Variants in TAF4B observed in about 807,000 individuals in gnomAD.
TAF4B encodes the protein transcription initiation factor TFIID subunit 4B.
In TAF4B, 38 loss-of-function variants were observed where a neutral mutation model predicts 86.4. The ratio of observed to expected loss-of-function variants is 0.44; its 90% CI spans 0.34 to 0.58. TAF4B has a LOEUF of 0.58. Ranked by LOEUF, TAF4B falls within the 20% of genes least tolerant of loss-of-function variation. The probability of loss-of-function intolerance (pLI) is 0.02; values close to 1 mark genes in which losing one functional copy is unlikely to be tolerated. For synonymous variants in TAF4B, 388 were observed against 391.2 expected (o/e 0.99, Z 0.10); for missense variants, 988 against 1,027.6 (o/e 0.96, Z 0.53).
At chr18:26,376,549 G>T (rs2057444484) in intron 14 of TAF4B, among the ~76,000 whole-genome samples, 1 of 150,110 alleles carries the variant, frequency 6.7e-6, no homozygotes, top group Non-Finnish European at 1.5e-5. Flanking sequence ...CAGCCTTGCT[G>T]AACTTGTTTA....
chr18:26,345,264 G>A (rs987676490), intron 13 of TAF4B, among the ~76,000 whole-genome samples: 4 of 152,144 alleles, frequency 2.6e-5, no homozygotes, highest in African/African-American at 7.2e-5. Flanking sequence ...CCCACATCTC[G>A]GGCCTGAGAG....
intron 9 of TAF4B, among the ~76,000 whole-genome samples, chr18:26,301,954 T>C (rs1032307431): frequency 2.8e-4 from 42 of 152,184 alleles, no homozygotes; most frequent in Admixed American, 2.4e-3. Context: ...ATGGAGAAAT[T>C]TGGGGTTACT....
chr18:26,358,040 C>T (rs1331242431), intron 14 of TAF4B, among the ~76,000 whole-genome samples: 1 of 152,162 alleles, frequency 6.6e-6, no homozygotes, highest in East Asian at 1.9e-4. Context: ...CCCCCATCTC[C>T]AGTCATATTG....
At chr18:26,347,361 T>G (rs1455443289) in intron 13 of TAF4B, among the ~76,000 whole-genome samples, 1 of 151,818 alleles carries the variant, frequency 6.6e-6, no homozygotes, top group African/African-American at 2.4e-5. Flanking sequence ...CATTTGAAAG[T>G]GAAAAAATGA....
intron 9 of TAF4B, 68 bp from the exon 10 acceptor site, chr18:26,315,161 T>TCTCTCTCTCTCTCCCACCCACACACA (rs1282068871): frequency 4.7e-6 from 1 of 210,592 alleles, no homozygotes; most frequent in African/African-American, 3.8e-5. Flanking sequence ...TCTCTCTCTC[T>TCTCTCTCTCTCTCCCACCCACACACA]CACACACACA....
At chr18:26,288,256 A>G (rs887415122) in intron 7 of TAF4B, among the ~76,000 whole-genome samples, 67 of 152,352 alleles carry the variant, frequency 4.4e-4, no homozygotes, top group African/African-American at 1.5e-3. Flanking sequence ...GCATGTCATT[A>G]TATGCTATGG....
rs1210442559 is a variant in TAF4B, at chr18:26,227,055, C to T, written c.122C>T (p.Ala41Val). 1.3e-6 allele frequency: 2 copies of T among 1,587,488 alleles called. No individual in the cohort carries two copies. Among genetic ancestry groups the T allele is most frequent in the Non-Finnish European group, 1.7e-6 (2 of 1,173,014 alleles). The change falls in exon 1 of 15, where the codon GCC becomes GTC. Residue 41 changes from alanine to valine, a missense_variant. Physicochemically the swap from Ala to Val is moderately conservative, Grantham distance 64 (BLOSUM62 0). Transcript: ENST00000269142. ...LPVRVESTPV[A>V]LGAVTKAPVS... is the part of the protein sequence containing the mutation. ...GTGCGGGTGGAGAGCACTCCGGTGG[C>T]CCTGGGCGCCGTGACTAAGGCTCCT...
At position 26,227,158 on chromosome 18, in the gene TAF4B, G is replaced by C; in HGVS notation, c.225G>C (p.Pro75=). ...GGACCCTGGTGACCAAAGTGGCTCC[G>C]GTCAGCGCCCCTCCTAAAGTCAGCA... The part of the protein sequence containing the change: ...PVGTLVTKVA[P]VSAPPKVSSG... The change falls in exon 1 of 15, where the codon CCG becomes CCC. Residue 75 remains proline (P), a synonymous_variant. Transcript: ENST00000269142. The C allele has an allele frequency of 1.2e-6, 2 of 1,614,104 alleles. No individual in the cohort carries two copies. Among genetic ancestry groups the C allele is most frequent in the African/African-American group, 1.3e-5 (1 of 75,044 alleles).
intron 2 of TAF4B, chr18:26,267,204 T>A (rs1356318024): frequency 5.4e-6 from 1 of 186,456 alleles, no homozygotes; most frequent in African/African-American, 2.3e-5. Flanking sequence ...GAATCTATTT[T>A]TTCTGTATGA....
At chr18:26,244,897 C>A (rs562268305) in intron 1 of TAF4B, among the ~76,000 whole-genome samples, 1 of 152,296 alleles carries the variant, frequency 6.6e-6, no homozygotes, top group South Asian at 2.1e-4. Context: ...GCTTGGGCGA[C>A]ATAACTTTGA....
At chr18:26,316,933 A>T (rs145695715) in intron 10 of TAF4B, among the ~76,000 whole-genome samples, 2 of 151,516 alleles carry the variant, frequency 1.3e-5, no homozygotes, top group Non-Finnish European at 2.9e-5. Flanking sequence ...TGGGAAATCT[A>T]TTGGTAGCTT....
At chr18:26,270,561 C>T (rs1260958980) in intron 3 of TAF4B, among the ~76,000 whole-genome samples, 13 of 152,186 alleles carry the variant, frequency 8.5e-5, no homozygotes, top group Admixed American at 8.5e-4. Context: ...AGCAAATCCT[C>T]CCGCCTCTGC....
chr18:26,346,877 GTATA>G (rs1220239621), intron 13 of TAF4B, among the ~76,000 whole-genome samples: 258 of 6,580 alleles, frequency 0.039, 59 homozygotes, highest in African/African-American at 0.07. Flanking sequence ...ATATATATGT[GTATA>G]TATATATATA....
At chr18:26,317,311 G>A (rs1303937369) in intron 10 of TAF4B, among the ~76,000 whole-genome samples, 1 of 152,120 alleles carries the variant, frequency 6.6e-6, no homozygotes, top group African/African-American at 2.4e-5. Context: ...GGTTACAGTC[G>A]TGAGCCACTG....
chr18:26,226,945 C>T lies in TAF4B; in HGVS notation c.12C>T (p.Gly4=), dbSNP rs2055584438. ...TGAGCCCCTGGGGGATGCCCGCCGGCCTCACCGAACCCGCCGGCGCCGCTC... is the reference window on the plus strand; with the variant it reads ...TGAGCCCCTGGGGGATGCCCGCCGGTCTCACCGAACCCGCCGGCGCCGCTC... MPA[G]LTEPAGAAPP... is the part of the protein sequence containing the mutation. Residue 4 remains glycine, a synonymous_variant, in exon 1 of 15, where the codon GGC becomes GGT. Transcript: ENST00000269142. The T allele has an allele frequency of 1.7e-5, 24 of 1,376,474 alleles. No homozygotes were observed. The highest frequency in any genetic ancestry group is 2.1e-5 in the Non-Finnish European group (23 of 1,074,768). The allele number at this position is 1,376,474 out of a possible 1,614,324, so 85.3% of individuals were successfully genotyped here. A position where few individuals can be genotyped will look rare whatever the true frequency, so the allele number is the denominator to read the frequency against.
chr18:26,360,226 A>G (rs537901193), intron 14 of TAF4B, among the ~76,000 whole-genome samples: 140 of 152,304 alleles, frequency 9.2e-4, no homozygotes, highest in Non-Finnish European at 1.8e-3. Flanking sequence ...TAGTGTGCCT[A>G]TCTCACCACA....
At chr18:26,273,297 CA>C (rs1472395682) in intron 3 of TAF4B, among the ~76,000 whole-genome samples, 2 of 151,980 alleles carry the variant, frequency 1.3e-5, no homozygotes, top group Non-Finnish European at 2.9e-5. Flanking sequence ...CATGTTTTTC[CA>C]AAAACCCTTT....
At chr18:26,277,755 TAATGACATTC>T (rs2056400232) in intron 5 of TAF4B, among the ~76,000 whole-genome samples, 1 of 152,258 alleles carries the variant, frequency 6.6e-6, no homozygotes, top group African/African-American at 2.4e-5. Flanking sequence ...ATGATTTTTG[TAATGACATTC>T]ATTGTTCATT....
At chr18:26,374,592 A>G (rs1340926328) in intron 14 of TAF4B, among the ~76,000 whole-genome samples, 1 of 152,216 alleles carries the variant, frequency 6.6e-6, no homozygotes, top group Admixed American at 6.5e-5. Context: ...TTGATTAACA[A>G]CAAACCAACG....
Sources: gnomAD v4.1 joint callset for allele counts (sites outside exome capture counted in the v4.1 genomes callset) on GRCh38, gnomAD v4.1.1 for gene constraint, MANE v1.5 for transcripts, NCBI Gene and HGNC (gene_info 2026-07-23, HGNC 2026-07-21) for gene names.